Variants in SMARCAL1 observed in about 807,000 individuals in gnomAD.
SMARCAL1 encodes SNF2 related chromatin remodeling annealing helicase 1.
SMARCAL1 carries 58 observed loss-of-function variants against 94.5 expected under a neutral mutation model. The ratio of observed to expected loss-of-function variants is 0.61; its 90% confidence interval spans 0.50 to 0.76. The LOEUF is 0.76. SMARCAL1 is among the 30% of genes least tolerant of loss of function. The probability of loss-of-function intolerance (pLI) is 0.00; values close to 1 mark genes in which losing one functional copy is unlikely to be tolerated. For synonymous variants in SMARCAL1, 422 were observed against 455.1 expected, an observed-to-expected ratio of 0.93 and a Z score of 0.93; for missense variants, 1,051 against 1,177.9, an observed-to-expected ratio of 0.89 and a Z score of 1.58.
chr2:216,438,387 A>G, intron 9 of SMARCAL1, 33 bp from the exon 10 acceptor site: 1 of 1,595,038 alleles, frequency 6.3e-7, no homozygotes, highest in Non-Finnish European at 8.6e-7. Context: ...TCAGGATTGG[A>G]TCTTGTACAC....
At chr2:216,444,600 A>G (rs1694264137) in intron 10 of SMARCAL1, among the ~76,000 whole-genome samples, 2 of 152,142 alleles carry the variant, frequency 1.3e-5, no homozygotes. Flanking sequence ...GCTCACTGCA[A>G]CCTCTGCCTC....
Position 216,475,847 on chromosome 2 carries a change from T to C in SMARCAL1, c.2427+396T>C, listed in dbSNP as rs1695064270. 1.3e-5 allele frequency among the ~76,000 whole-genome samples: 2 copies of C among 152,036 alleles called. No homozygotes were observed. Among genetic ancestry groups the C allele is most frequent in the Admixed American group, 1.3e-4 (2 of 15,264 alleles). ...CGACTCCATTTTATCAACGGGAAGG[T>C]TGAAGTCTTCCAGGGCTAGAAGGAA... is the stretch of plus-strand genomic sequence containing the variant. On this transcript the variant is annotated intron_variant, in intron 15 of 17. Transcript: ENST00000357276. The surrounding 1 kb of genome is among the most constrained non-coding windows in gnomAD (Gnocchi z 4.4).
intron 17 of SMARCAL1, among the ~76,000 whole-genome samples, chr2:216,481,952 G>T (rs79668862): frequency 0.052 from 7,915 of 152,296 alleles, 300 homozygotes; most frequent in African/African-American, 0.11. Flanking sequence ...TAGTGATCGT[G>T]TGTTGTGGTT....
rs144394359 is a variant in SMARCAL1 at position 216,450,863 on chromosome 2, C to G, written c.1869C>G (p.Asp623Glu). 3.7e-5 allele frequency: 60 copies of G among 1,613,796 alleles called. No individual in the cohort carries two copies. The highest frequency in any genetic ancestry group is 5.1e-5 in the Non-Finnish European group (60 of 1,179,912). ...CTCTGCAGATGCCTTGGGGGTGGGA[C>G]TACTCAGGTTCCTCCAACCTGGGAG... is the stretch of plus-strand genomic sequence containing the variant. ...CDAKRMPWGW[D>E]YSGSSNLGEL... Residue 623 changes from aspartate to glutamate, a missense_variant, in exon 12 of 18, where the codon GAC becomes GAG. By Grantham distance (45) the Asp-to-Glu change is conservative. Coordinates refer to ENST00000357276, the MANE Select transcript of SMARCAL1 (RefSeq NM_014140.4).
chr2:216,425,272 G>A (rs1156744316), intron 6 of SMARCAL1, among the ~76,000 whole-genome samples: 1 of 152,192 alleles, frequency 6.6e-6, no homozygotes, highest in African/African-American at 2.4e-5. Flanking sequence ...CAGCAGAGCG[G>A]GCAGCTCCAG....
chr2:216,438,687 G>A (rs1694131135), intron 10 of SMARCAL1, among the ~76,000 whole-genome samples: 1 of 152,154 alleles, frequency 6.6e-6, no homozygotes, highest in South Asian at 2.1e-4. Flanking sequence ...ATCCTGCTAA[G>A]GAACTAGTAG....
intron 7 of SMARCAL1, among the ~76,000 whole-genome samples, chr2:216,432,048 T>G (rs1693975578): frequency 6.6e-6 from 1 of 152,056 alleles, no homozygotes; most frequent in South Asian, 2.1e-4. Context: ...TCAGATGGAG[T>G]TTCGCTTTTG....
At chr2:216,467,645 A>G (rs1480162133) in intron 13 of SMARCAL1, among the ~76,000 whole-genome samples, 1 of 152,128 alleles carries the variant, frequency 6.6e-6, no homozygotes, top group Non-Finnish European at 1.5e-5. Flanking sequence ...CTAAAGTGGG[A>G]GGAGCTGGAG....
chr2:216,473,185 C>G (rs952476561), intron 14 of SMARCAL1, among the ~76,000 whole-genome samples: 1 of 152,028 alleles, frequency 6.6e-6, no homozygotes, highest in Non-Finnish European at 1.5e-5. Flanking sequence ...CTCAAGCAAC[C>G]TCTGGTCTAC....
intron 5 of SMARCAL1, 26 bp downstream of exon 5, chr2:216,420,558 C>A: frequency 6.4e-7 from 1 of 1,555,106 alleles, no homozygotes; most frequent in South Asian, 1.1e-5. Context: ...TTGTCTGATT[C>A]CCAGAATGTG....
chr2:216,415,815 G>T (rs1693587067), intron 3 of SMARCAL1: 5 of 464,030 alleles, frequency 1.1e-5, no homozygotes, highest in Admixed American at 3.7e-5. Context: ...CAGTTTTTTT[G>T]AAATAAGTAG....
At chr2:216,455,560 A>T (rs1021054863) in intron 12 of SMARCAL1, among the ~76,000 whole-genome samples, 1 of 152,218 alleles carries the variant, frequency 6.6e-6, no homozygotes. Context: ...GTTGTTCTGC[A>T]GCCTCCGCTG....
Position 216,422,666 on chromosome 2 carries a change from A to G in SMARCAL1, c.1097-967A>G, listed in dbSNP as rs183857983. The stretch of plus-strand genomic sequence containing the variant: ...CCTTCCATCAGGTTGTACCTGGACG[A>G]CCTCGCTTTTTCCTGAAACTGACTC... On this transcript the variant is annotated intron_variant, in intron 5 of 17. Transcript: ENST00000357276. Among the ~76,000 whole-genome samples, 4 of 152,234 alleles carry G rather than the reference A, an allele frequency of 2.6e-5. No homozygotes were observed. The East Asian group carries it at 7.7e-4, about 29-fold the overall frequency.
intron 8 of SMARCAL1, 107 bp downstream of exon 8, chr2:216,432,975 C>T (rs1269235554): frequency 1.4e-6 from 2 of 1,430,604 alleles, no homozygotes; most frequent in Non-Finnish European, 2.0e-6. Flanking sequence ...AGGATCCTGT[C>T]TCAAGTAAAG....
intron 12 of SMARCAL1, among the ~76,000 whole-genome samples, chr2:216,462,829 T>TAA (rs146065376): frequency 7.6e-5 from 11 of 144,030 alleles, no homozygotes; most frequent in Admixed American, 6.9e-4. Context: ...CTACAAAAAA[T>TAA]AAAAAAAAAA....
At chr2:216,464,720 A>C (rs746684222) in intron 13 of SMARCAL1, 53 bp downstream of exon 13, 3 of 1,241,772 alleles carry the variant, frequency 2.4e-6, no homozygotes, top group African/African-American at 3.0e-5. Flanking sequence ...AAAAAAAAAA[A>C]AAACAACTTA....
At chr2:216,476,226 G>T (rs773635801) in intron 15 of SMARCAL1, among the ~76,000 whole-genome samples, 14 of 151,822 alleles carry the variant, frequency 9.2e-5, no homozygotes, top group Non-Finnish European at 2.1e-4. Flanking sequence ...GTTTTTATTG[G>T]CTACACATAA....
At chr2:216,444,798 T>G in intron 10 of SMARCAL1, among the ~76,000 whole-genome samples, 1 of 152,206 alleles carries the variant, frequency 6.6e-6, no homozygotes, top group Non-Finnish European at 1.5e-5. Context: ...ATTGCAGGCG[T>G]GAGCCATCAT....
intron 11 of SMARCAL1, among the ~76,000 whole-genome samples, chr2:216,447,522 G>A (rs553805496): frequency 2.0e-5 from 3 of 152,210 alleles, no homozygotes; most frequent in South Asian, 2.1e-4. Flanking sequence ...TCCTTGTCAA[G>A]TGCTGGCCCT....
Sources: gnomAD v4.1 joint callset for allele counts (sites outside exome capture counted in the v4.1 genomes callset) on GRCh38, gnomAD v4.1.1 for gene constraint, Gnocchi (gnomAD v3.1) non-coding constraint, MANE v1.5 for transcripts, NCBI Gene and HGNC (gene_info 2026-07-23, HGNC 2026-07-21) for gene names.